Variants in USH2A observed in about 807,000 individuals in gnomAD.
USH2A encodes usherin.
Under a neutral mutation model 538.9 loss-of-function variants are expected in USH2A, and 443 were observed. That is an observed-to-expected ratio of 0.82 (90% confidence interval 0.76 to 0.89). USH2A has a LOEUF of 0.89. USH2A is among the 40% of genes least tolerant of loss of function. USH2A has a pLI of 0.00. For synonymous variants in USH2A, 2,413 were observed against 2,273.5 expected (o/e 1.06, Z -1.75); for missense variants, 6,633 against 6,324.8 (o/e 1.05, Z -1.65).
intron 49 of USH2A, among the ~76,000 whole-genome samples, chr1:215,802,080 G>T (rs1662350853): frequency 1.3e-5 from 2 of 151,194 alleles, no homozygotes; most frequent in Non-Finnish European, 2.9e-5. Context: ...GCCAAAGAAT[G>T]ATATTGAACC....
At chr1:215,872,293 C>G (rs1322645607) in intron 43 of USH2A, among the ~76,000 whole-genome samples, 1 of 152,152 alleles carries the variant, frequency 6.6e-6, no homozygotes, top group East Asian at 1.9e-4. Context: ...TGATGGTAGA[C>G]ACTTTAAAAA....
intron 9 of USH2A, among the ~76,000 whole-genome samples, chr1:216,300,169 C>T (rs967068415): frequency 6.6e-6 from 1 of 152,144 alleles, no homozygotes; most frequent in Non-Finnish European, 1.5e-5. Flanking sequence ...TTTGAATTCT[C>T]ATAATTTTCA....
chr1:215,727,713 A>C (rs1255207426), intron 61 of USH2A, among the ~76,000 whole-genome samples: 2 of 147,888 alleles, frequency 1.4e-5, no homozygotes, highest in African/African-American at 5.1e-5. Flanking sequence ...TGACAGAATG[A>C]GAGCCTGTCT....
Position 216,422,246 on chromosome 1 carries a change from T to C in USH2A, c.91A>G (p.Thr31Ala), listed in dbSNP as rs373207201. Reference sequence around the variant, plus strand: ...CTTGGGAAAAGACCTCGTGACTCAGTCAAGGATATTGAAGCAAAATAGGCA... The same window carrying C: ...CTTGGGAAAAGACCTCGTGACTCAGCCAAGGATATTGAAGCAAAATAGGCA... ...IFAYFASISL[T>A]ESRGLFPRLE... Residue 31 changes from threonine to alanine, a missense_variant, in exon 2 of 72, where the codon ACT becomes GCT. Physicochemically the swap from Thr to Ala is moderately conservative, Grantham distance 58. Transcript: ENST00000307340. 12 of 1,613,470 alleles carry C rather than the reference T, an allele frequency of 7.4e-6. No homozygotes were observed. The highest frequency in any genetic ancestry group is 1.3e-5 in the African/African-American group (1 of 74,804).
chr1:216,121,419 T>TA (rs397773578), intron 21 of USH2A, among the ~76,000 whole-genome samples: 10 of 152,124 alleles, frequency 6.6e-5, no homozygotes, highest in Non-Finnish European at 1.0e-4. Flanking sequence ...TTCTTTTTTT[T>TA]AAACAGCTAA....
chr1:216,086,739 G>A lies in USH2A; in HGVS notation c.4967C>T (p.Thr1656Ile), dbSNP rs1330476635. Residue 1656 changes from threonine (T) to isoleucine (I), a missense_variant, in exon 24 of 72, where the codon ACC (threonine) becomes ATC (isoleucine). By Grantham distance (89) the Thr-to-Ile change is moderately conservative (BLOSUM62 -1). Transcript: ENST00000307340. ...VFLGGLPRSYTILRKDPEIIQ... is the reference protein window; with the variant it reads ...VFLGGLPRSYIILRKDPEIIQ... ...CTCACCAGGATCCTTCCTGAGGATG[G>A]TATAACTTCGCGGGAGCCCTCCCAG... The A allele has an allele frequency of 1.9e-6, 3 of 1,612,682 alleles. No homozygotes were observed. Among genetic ancestry groups the A allele is most frequent in the Non-Finnish European group, 2.5e-6 (3 of 1,179,146 alleles).
At chr1:216,279,193 A>G (rs75773032) in intron 11 of USH2A, among the ~76,000 whole-genome samples, 3,040 of 152,186 alleles carry the variant, frequency 0.02, 40 homozygotes, top group Non-Finnish European at 0.029. Context: ...AATTACAACT[A>G]TATTTTTGGT....
chr1:215,908,379 G>GC (rs1446234586), intron 38 of USH2A, among the ~76,000 whole-genome samples: 1 of 151,804 alleles, frequency 6.6e-6, no homozygotes, highest in African/African-American at 2.4e-5. Flanking sequence ...GTTTAGTATT[G>GC]CTCATGAAAT....
chr1:216,042,891 C>T (rs1446368808), intron 32 of USH2A, among the ~76,000 whole-genome samples: 1 of 152,022 alleles, frequency 6.6e-6, no homozygotes, highest in Non-Finnish European at 1.5e-5. Context: ...ATGAAGTCAC[C>T]TGAAAGAAAG....
At chr1:215,799,222 T>G in intron 49 of USH2A, 97 bp from the exon 50 acceptor site, 1 of 1,324,850 alleles carries the variant, frequency 7.5e-7, no homozygotes, top group South Asian at 1.3e-5. Flanking sequence ...AGATCCCAAC[T>G]GATTGACAGA....
chr1:215,985,271 G>A (rs1667845251), intron 35 of USH2A, among the ~76,000 whole-genome samples: 1 of 152,112 alleles, frequency 6.6e-6, no homozygotes, highest in Non-Finnish European at 1.5e-5. Flanking sequence ...CCAGAACACA[G>A]ATCTTATGAA....
chr1:216,102,468 G>A (rs2032605479), intron 21 of USH2A, among the ~76,000 whole-genome samples: 1 of 151,792 alleles, frequency 6.6e-6, no homozygotes, highest in Admixed American at 6.6e-5. Context: ...ACTAGTTGGA[G>A]CGTACAACCT....
chr1:215,945,710 C>T (rs1039660403), intron 37 of USH2A, among the ~76,000 whole-genome samples: 1 of 152,074 alleles, frequency 6.6e-6, no homozygotes, highest in East Asian at 1.9e-4. Flanking sequence ...ATGTTCAGAA[C>T]TCATAGATGT....
chr1:216,033,711 A>G (rs1669180256), intron 32 of USH2A, among the ~76,000 whole-genome samples: 1 of 152,112 alleles, frequency 6.6e-6, no homozygotes, highest in Admixed American at 6.5e-5. Flanking sequence ...GTGTAGTGGC[A>G]TGCACCTGTG....
chr1:216,250,962 T>A lies in USH2A; in HGVS notation c.2108A>T (p.Asp703Val), dbSNP rs2036148045. 6.2e-7 allele frequency: 1 copy of A among 1,614,054 alleles called. No homozygotes were observed. The highest frequency in any genetic ancestry group is 1.1e-5 in the South Asian group (1 of 91,074). The change falls in exon 12 of 72, where the codon GAT becomes GTT. Residue 703 changes from aspartate (D) to valine (V), a missense_variant. Transcript: ENST00000307340. The stretch of plus-strand genomic sequence containing the variant: ...ATTTTGGTGACAGGTAATATCTCCA[T>A]CCACTGTCCCAGAGGTATTGCAGTT... Reference protein sequence around the residue: ...PCNCNTSGTVDGDITCHQNSG... With the variant: ...PCNCNTSGTVVGDITCHQNSG...
chr1:215,770,758 G>A lies in USH2A; in HGVS notation c.10940-3970C>T, dbSNP rs188355503. ...TATTATTTGTTCATTATACAGATAA[G>A]GAAGCTAAGGCACAGAAAGTTGGAG... On this transcript the variant is annotated intron_variant, in intron 55 of 71. Transcript: ENST00000307340. Among the ~76,000 whole-genome samples the A allele has an allele frequency of 1.1e-3, 173 of 152,010 alleles. 1 individual carries two copies. The highest frequency in any genetic ancestry group is 1.7e-3 in the Non-Finnish European group (115 of 67,944).
intron 49 of USH2A, among the ~76,000 whole-genome samples, chr1:215,804,363 G>A (rs1662431208): frequency 6.6e-6 from 1 of 152,050 alleles, no homozygotes; most frequent in African/African-American, 2.4e-5. Flanking sequence ...CAGAATGGGA[G>A]AAAACTTTTG....
chr1:215,960,221 A>G (rs1259622217), intron 37 of USH2A, among the ~76,000 whole-genome samples: 2 of 152,144 alleles, frequency 1.3e-5, no homozygotes, highest in African/African-American at 2.4e-5. Context: ...CTAAATTATC[A>G]TGGCACAATA....
In USH2A at chr1:215,674,377, T is replaced by A. The variant is rs1323696539; in HGVS notation, c.13534A>T (p.Ser4512Cys). The change falls in exon 63 of 72, where the codon AGC becomes TGC. Residue 4512 changes from serine (S) to cysteine (C), a missense_variant. By Grantham distance (112) the Ser-to-Cys change is moderately radical. Coordinates refer to ENST00000307340, the MANE Select transcript of USH2A (RefSeq NM_206933.4). Reference protein sequence around the residue: ...GVEYSYTVTASNSQGGILSPL... With the variant: ...GVEYSYTVTACNSQGGILSPL... ...CTCAAAATACCCCCTTGGCTGTTGCTGGCAGTTACTGTGTAGCTATACTCC... is the reference window on the plus strand; with the variant it reads ...CTCAAAATACCCCCTTGGCTGTTGCAGGCAGTTACTGTGTAGCTATACTCC... The A allele has an allele frequency of 6.2e-7, 1 of 1,614,126 alleles. No homozygotes were observed.
Sources: gnomAD v4.1 joint callset for allele counts (sites outside exome capture counted in the v4.1 genomes callset) on GRCh38, gnomAD v4.1.1 for gene constraint, MANE v1.5 for transcripts, NCBI Gene and HGNC (gene_info 2026-07-23, HGNC 2026-07-21) for gene names.